The following SGSM1 variants were observed in gnomAD, a reference collection of about 807,000 sequenced individuals.
SGSM1 encodes the protein RUN and TBC1 domain containing 2.
A neutral mutation model predicts 133.8 loss-of-function variants in SGSM1; 73 were observed. The observed-to-expected ratio is 0.55, with a 90% CI of 0.45 to 0.66. The LOEUF (loss-of-function observed/expected upper bound fraction) is 0.66. Among genes scored for constraint, SGSM1 ranks in the 30% least tolerant of loss-of-function variants. SGSM1 has a pLI of 0.00. For synonymous variants in SGSM1, 563 were observed against 573.0 expected (o/e 0.98, Z 0.25); for missense variants, 1,213 against 1,448.1 (o/e 0.84, Z 2.64).
chr22:24,813,665 G>A (rs1190018410), intron 2 of SGSM1: 1 of 152,220 alleles, frequency 6.6e-6, no homozygotes, highest in Non-Finnish European at 1.5e-5. Context: ...GATGCGTTTT[G>A]ATGCTTTTTC....
rs1433665436 is a variant in SGSM1 at position 24,851,063 on chromosome 22, T to A, written c.455+631T>A. 8.0e-5 allele frequency among the ~76,000 whole-genome samples: 11 copies of A among 137,952 alleles called. No individual in the cohort carries two copies. The East Asian group carries it at 2.1e-3, about 27-fold the overall frequency. The allele number at this position is 137,952 out of a possible 152,430, so 90.5% of individuals were successfully genotyped here. On this transcript the variant is annotated intron_variant, in intron 5 of 24. Transcript: ENST00000400358. ...TTGCAGTGAGCTGAGATTGCGCCAC[T>A]GCACTCCAGTCTGGGCAACAGAGCA...
At chr22:24,861,491 G>A (rs1390689160) in intron 9 of SGSM1, among the ~76,000 whole-genome samples, 5 of 151,378 alleles carry the variant, frequency 3.3e-5, no homozygotes, top group African/African-American at 1.2e-4. Flanking sequence ...AGACCCTGTA[G>A]TCTCTCTCTC....
chr22:24,848,093 C>A (rs139665), intron 4 of SGSM1, among the ~76,000 whole-genome samples: 65,107 of 151,512 alleles, frequency 0.43, 15,825 homozygotes, highest in African/African-American at 0.67. Flanking sequence ...TTTCCCTCCC[C>A]GTTGTTGTTG....
intron 2 of SGSM1, among the ~76,000 whole-genome samples, chr22:24,817,431 C>A (rs1473585670): frequency 6.6e-6 from 1 of 151,906 alleles, no homozygotes; most frequent in Non-Finnish European, 1.5e-5. Context: ...CGGCTCCCTG[C>A]AACCTCCGCC....
chr22:24,897,858 C>A (rs1483855070), intron 18 of SGSM1, 114 bp from the exon 19 acceptor site: 2 of 894,324 alleles, frequency 2.2e-6, no homozygotes, highest in African/African-American at 1.7e-5. Flanking sequence ...TATTCCACTG[C>A]ATGCTTGATC....
intron 2 of SGSM1, among the ~76,000 whole-genome samples, chr22:24,831,916 CTGTT>C (rs141463170): frequency 0.011 from 1,626 of 152,294 alleles, 28 homozygotes; most frequent in East Asian, 0.064. Flanking sequence ...GGGGAAGAGA[CTGTT>C]TGTTCTGTGT....
chr22:24,858,758 C>G (rs960374653), intron 8 of SGSM1, among the ~76,000 whole-genome samples: 1 of 152,324 alleles, frequency 6.6e-6, no homozygotes, highest in African/African-American at 2.4e-5. Context: ...TCCCAGCCTT[C>G]CTATGGGCAC....
At chr22:24,824,393 T>C (rs1341349600) in intron 2 of SGSM1, among the ~76,000 whole-genome samples, 1 of 152,100 alleles carries the variant, frequency 6.6e-6, no homozygotes, top group Non-Finnish European at 1.5e-5. Flanking sequence ...GCACAGCTTG[T>C]AGGGCTGTGG....
At chr22:24,899,745 T>C (rs555793663) in intron 19 of SGSM1, among the ~76,000 whole-genome samples, 139 of 152,140 alleles carry the variant, frequency 9.1e-4, no homozygotes, top group African/African-American at 3.3e-3. Context: ...ATGGTCTCGA[T>C]CTGCTGACCT....
At position 24,868,795 on chromosome 22, in the gene SGSM1, G is replaced by T. The variant is rs745972853; in HGVS notation, c.1231G>T (p.Asp411Tyr). Residue 411 changes from aspartate (D) to tyrosine (Y), a missense_variant, in exon 12 of 25, where the codon GAT becomes TAT. Coordinates refer to ENST00000400358, the MANE Select transcript of SGSM1 (RefSeq NM_001098497.3). ...CGAGTCCACATCTTCAGACAAAGAT[G>T]ATGATGAGGCCACGGATTATGTGTT... ...SAESTSSDKD[D>Y]DEATDYVFRI... is the part of the protein sequence containing the mutation. 4.3e-6 allele frequency: 7 copies of T among 1,613,920 alleles called. No homozygotes were observed. The Admixed American group carries it at 1.2e-4, about 27-fold the overall frequency.
rs1250865283 is a variant in SGSM1 at position 24,855,133 on chromosome 22, ACT to A, written c.523+76_523+77del. ...GAGTCTGAGGGGCACCTTCTCCAGG[ACT>A]CTCTCACCCCTGTCCAGCCTTGCCC... On this transcript the variant is annotated intron_variant, in intron 6 of 24. Transcript: ENST00000400358. 9 of 1,562,402 alleles carry A rather than the reference ACT, an allele frequency of 5.8e-6. No individual in the cohort carries two copies. The East Asian group carries it at 1.8e-4, about 32-fold the overall frequency.
chr22:24,845,415 T>G (rs915479137), intron 3 of SGSM1, among the ~76,000 whole-genome samples: 8 of 152,166 alleles, frequency 5.3e-5, no homozygotes, highest in African/African-American at 1.9e-4. Flanking sequence ...GCTCAGAGCG[T>G]GACTCAGACA....
At chr22:24,869,214 C>T (rs968889999) in intron 12 of SGSM1, among the ~76,000 whole-genome samples, 1 of 152,072 alleles carries the variant, frequency 6.6e-6, no homozygotes, top group African/African-American at 2.4e-5. Flanking sequence ...GGGGATTAAA[C>T]GAGGTAAGGC....
At chr22:24,833,547 A>G (rs1233340100) in intron 2 of SGSM1, among the ~76,000 whole-genome samples, 1 of 151,946 alleles carries the variant, frequency 6.6e-6, no homozygotes, top group African/African-American at 2.4e-5. Flanking sequence ...AGTCCCAGCT[A>G]CTTGGGAGGC....
intron 12 of SGSM1, 38 bp from the exon 13 acceptor site, chr22:24,876,539 C>A: frequency 6.2e-7 from 1 of 1,612,662 alleles, no homozygotes; most frequent in East Asian, 2.2e-5. Flanking sequence ...TAGGTTTAAC[C>A]AGGGTGATTC....
At chr22:24,857,284 G>A (rs1361525268) in intron 8 of SGSM1, among the ~76,000 whole-genome samples, 1 of 151,120 alleles carries the variant, frequency 6.6e-6, no homozygotes, top group Non-Finnish European at 1.5e-5. Context: ...GGTGGCATGT[G>A]CCTGTAGTCC....
intron 9 of SGSM1, among the ~76,000 whole-genome samples, chr22:24,865,697 G>A (rs1427648135): frequency 6.6e-6 from 1 of 152,108 alleles, no homozygotes; most frequent in Non-Finnish European, 1.5e-5. Context: ...ATTTATTGGG[G>A]ACACACCTGT....
In SGSM1 at chr22:24,898,356, GA is replaced by G; in HGVS notation, c.2408del (p.Asp803AlafsTer11). 1 of 1,613,916 alleles carries G rather than the reference GA, an allele frequency of 6.2e-7. No homozygotes were observed. The highest frequency in any genetic ancestry group is 8.5e-7 in the Non-Finnish European group (1 of 1,179,878). ...GTTCATGTCCATCACGGGCAGCCTGGACATGGCCCTGCCTGAAAAGGACGAT... is the reference window on the plus strand; with the variant it reads ...GTTCATGTCCATCACGGGCAGCCTGGCATGGCCCTGCCTGAAAAGGACGAT... ...DEFMSITGSLDMALPEKDDVV... is the reference protein window; with the variant it reads ...DEFMSITGSLXMALPEKDDVV... On this transcript the variant is annotated frameshift_variant, in exon 19 of 25. Coordinates refer to ENST00000400358, the MANE Select transcript of SGSM1 (RefSeq NM_001098497.3). LOFTEE classifies it high-confidence loss of function.
chr22:24,845,737 C>T (rs564355938), intron 3 of SGSM1, among the ~76,000 whole-genome samples: 29 of 152,246 alleles, frequency 1.9e-4, no homozygotes, highest in African/African-American at 7.0e-4. Context: ...CCCACGGGGC[C>T]CACAACATGC....
Sources: allele counts gnomAD v4.1 joint callset (sites outside exome capture counted in the v4.1 genomes callset), GRCh38; gene constraint gnomAD v4.1.1; transcripts MANE v1.5; gene names NCBI Gene and HGNC (gene_info 2026-07-23, HGNC 2026-07-21).